The following EIF2A variants were observed in gnomAD, a reference collection of about 807,000 sequenced individuals.
EIF2A encodes the protein 65 kDa eukaryotic translation initiation factor 2A.
EIF2A carries 62 observed loss-of-function variants against 75.2 expected under a neutral mutation model. That is an observed-to-expected ratio of 0.82 (90% CI 0.67 to 1.02). The LOEUF is 1.02. EIF2A is among the 50% of genes least tolerant of loss of function. The pLI is 0.00. For missense variants in EIF2A, 611 were observed against 677.7 expected (o/e 0.90, Z 1.09); for synonymous variants, 207 against 239.0 (o/e 0.87, Z 1.23).
intron 10 of EIF2A, among the ~76,000 whole-genome samples, chr3:150,574,499 T>G (rs997227086): frequency 6.6e-6 from 1 of 152,218 alleles, no homozygotes; most frequent in Non-Finnish European, 1.5e-5. Flanking sequence ...ATAAAACAAA[T>G]GTTCAGCAAA....
intron 9 of EIF2A, 143 bp from the exon 10 acceptor site, chr3:150,571,815 T>C: frequency 1.5e-6 from 1 of 677,150 alleles, no homozygotes; most frequent in Non-Finnish European, 2.4e-6. Context: ...TAGTATATAA[T>C]GTAAGAGTAT....
chr3:150,561,795 A>ATTT (rs60277430), intron 3 of EIF2A, among the ~76,000 whole-genome samples: 1 of 143,392 alleles, frequency 7.0e-6, no homozygotes, highest in Admixed American at 6.9e-5. Context: ...TAAAATATAC[A>ATTT]TTTTTTTTTT....
chr3:150,577,753 A>G (rs528180892), intron 11 of EIF2A, among the ~76,000 whole-genome samples: 3 of 152,192 alleles, frequency 2.0e-5, no homozygotes, highest in African/African-American at 4.8e-5. Flanking sequence ...GCTGGTTGCT[A>G]TATCAGTATA....
At chr3:150,556,693 C>A (rs960524085) in intron 2 of EIF2A, among the ~76,000 whole-genome samples, 1 of 152,190 alleles carries the variant, frequency 6.6e-6, no homozygotes, top group East Asian at 1.9e-4. Context: ...TACTTTTTCT[C>A]TATTTTTTGT....
chr3:150,585,416 G>A lies in EIF2A; in HGVS notation c.*1505G>A, dbSNP rs943042306. On this transcript the variant is annotated 3_prime_UTR_variant, in exon 14 of 14. Coordinates refer to ENST00000460851, the MANE Select transcript of EIF2A (RefSeq NM_032025.5). ...TACCTGTAATCCCAGCTACTTGGGA[G>A]GCTGAGGTAGGAAAATTGTTTGAAC... 1.3e-5 allele frequency: 2 copies of A among 152,256 alleles called. No homozygotes were observed. The highest frequency in any genetic ancestry group is 2.9e-5 in the Non-Finnish European group (2 of 68,066). 9.4% of individuals were successfully genotyped at this position (152,256 alleles called of 1,614,324 possible). A position where few individuals can be genotyped will look rare whatever the true frequency, so the allele number is the denominator to read the frequency against.
intron 11 of EIF2A, among the ~76,000 whole-genome samples, chr3:150,581,349 T>TCAGA (rs1725165611): frequency 6.6e-6 from 1 of 152,178 alleles, no homozygotes; most frequent in Non-Finnish European, 1.5e-5. Flanking sequence ...TCAAACCATC[T>TCAGA]ATCTACTGGC....
intron 6 of EIF2A, 67 bp from the exon 7 acceptor site, chr3:150,567,626 A>G (rs1258056166): frequency 1.9e-6 from 2 of 1,077,540 alleles, no homozygotes; most frequent in Non-Finnish European, 2.7e-6. Context: ...TTGATAATGT[A>G]TTCAGAGTTT....
chr3:150,555,214 C>T (rs1723500454), intron 2 of EIF2A, among the ~76,000 whole-genome samples: 1 of 152,090 alleles, frequency 6.6e-6, no homozygotes, highest in Non-Finnish European at 1.5e-5. Flanking sequence ...CAGGCCTCAG[C>T]CACCATGCCT....
intron 11 of EIF2A, among the ~76,000 whole-genome samples, chr3:150,581,027 G>T (rs1029404577): frequency 6.6e-6 from 1 of 152,204 alleles, no homozygotes; most frequent in African/African-American, 2.4e-5. Flanking sequence ...GTACACAAAG[G>T]CCAGGGGCAA....
chr3:150,584,030 C>T lies in EIF2A; in HGVS notation c.*119C>T. The stretch of plus-strand genomic sequence containing the variant: ...CTTAATGTCAATCTATAATTTTAAC[C>T]ATTTATCCAAGATTCTACTAAGTGT... On this transcript the variant is annotated 3_prime_UTR_variant, in exon 14 of 14. Transcript: ENST00000460851. 1 of 921,118 alleles carries T rather than the reference C, an allele frequency of 1.1e-6. No individual in the cohort carries two copies. The highest frequency in any genetic ancestry group is 1.6e-6 in the Non-Finnish European group (1 of 623,858). 57.1% of individuals were successfully genotyped at this position (921,118 alleles called of 1,614,324 possible). A position where few individuals can be genotyped will look rare whatever the true frequency, so the allele number is the denominator to read the frequency against.
In EIF2A at chr3:150,557,533, T is replaced by C. The variant is rs531368047; in HGVS notation, c.99-855T>C. On this transcript the variant is annotated intron_variant, in intron 2 of 13. Transcript: ENST00000460851. ...CTCCTGTCTCAGCGTCCTGAGTAGC[T>C]GGGACTACAGGCGCCACCACCACAC... 265 of 221,764 alleles carry C rather than the reference T, an allele frequency of 1.2e-3. 2 individuals carry two copies. The highest frequency in any genetic ancestry group is 2.0e-3 in the South Asian group (49 of 24,314). 13.7% of individuals were successfully genotyped at this position (221,764 alleles called of 1,614,324 possible). A position where few individuals can be genotyped will look rare whatever the true frequency, so the allele number is the denominator to read the frequency against.
chr3:150,576,984 T>A (rs146176379), intron 11 of EIF2A, among the ~76,000 whole-genome samples: 133 of 152,238 alleles, frequency 8.7e-4, no homozygotes, highest in African/African-American at 3.0e-3. Context: ...TCAGGTAGAG[T>A]ACATGTCTCA....
chr3:150,558,579 G>A, intron 3 of EIF2A, 117 bp downstream of exon 3: 2 of 892,030 alleles, frequency 2.2e-6, no homozygotes, highest in South Asian at 2.4e-5. Context: ...ATGTCATGAT[G>A]TAGTGAGATA....
At chr3:150,547,447 C>T (rs1723099069) in intron 1 of EIF2A, among the ~76,000 whole-genome samples, 1 of 152,108 alleles carries the variant, frequency 6.6e-6, no homozygotes, top group African/African-American at 2.4e-5. Context: ...TTAGAGGACT[C>T]TTGAAATTTT....
chr3:150,574,142 G>A (rs1026326101), intron 10 of EIF2A, among the ~76,000 whole-genome samples: 1 of 152,142 alleles, frequency 6.6e-6, no homozygotes, highest in African/African-American at 2.4e-5. Flanking sequence ...GAGCCCAGAA[G>A]GAGGAGGTTG....
chr3:150,558,564 T>A (rs1723692280), intron 3 of EIF2A, 102 bp downstream of exon 3: 1 of 1,063,134 alleles, frequency 9.4e-7, no homozygotes, highest in East Asian at 3.2e-5. Context: ...AAAATCCGTC[T>A]TTTAATGTCA....
chr3:150,574,970 G>A (rs1472242760), intron 10 of EIF2A, among the ~76,000 whole-genome samples: 1 of 152,182 alleles, frequency 6.6e-6, no homozygotes, highest in Non-Finnish European at 1.5e-5. Context: ...AAACTGTTCT[G>A]GAGATACATT....
chr3:150,560,676 C>G (rs967158574), intron 3 of EIF2A, among the ~76,000 whole-genome samples: 3 of 147,354 alleles, frequency 2.0e-5, no homozygotes, highest in African/African-American at 7.5e-5. Context: ...CTGAGTAGAA[C>G]AAAGTTACTT....
chr3:150,573,199 A>T (rs1724641863), intron 10 of EIF2A, among the ~76,000 whole-genome samples: 1 of 152,114 alleles, frequency 6.6e-6, no homozygotes, highest in African/African-American at 2.4e-5. Context: ...TGAGGGGGAG[A>T]AATTGATACA....
Sources: gnomAD v4.1 joint callset for allele counts (sites outside exome capture counted in the v4.1 genomes callset) on GRCh38, gnomAD v4.1.1 for gene constraint, MANE v1.5 for transcripts, NCBI Gene and HGNC (gene_info 2026-07-23, HGNC 2026-07-21) for gene names.